TRDN: variants seen among roughly 807,000 people sequenced by gnomAD.
TRDN encodes triadin in skeletal muscle.
Under a neutral mutation model 149.7 loss-of-function variants are expected in TRDN, and 161 were observed. The ratio of observed to expected loss-of-function variants is 1.08; its 90% confidence interval spans 0.95 to 1.23. The LOEUF is 1.23. Among genes scored for constraint, TRDN ranks in the 50% most tolerant of loss-of-function variants. The probability of loss-of-function intolerance (pLI) is 0.00; values close to 1 mark genes in which losing one functional copy is unlikely to be tolerated. For synonymous variants in TRDN, 294 were observed against 250.5 expected (o/e 1.17, Z -1.64); for missense variants, 896 against 823.5 (o/e 1.09, Z -1.08).
intron 10 of TRDN, among the ~76,000 whole-genome samples, chr6:123,454,209 A>G (rs1298692314): frequency 2.0e-5 from 3 of 152,068 alleles, no homozygotes; most frequent in Non-Finnish European, 2.9e-5. Context: ...GTGCACCAAA[A>G]TCTCACAAAT....
chr6:123,476,826 A>T (rs910493096), intron 9 of TRDN, among the ~76,000 whole-genome samples: 3 of 151,790 alleles, frequency 2.0e-5, no homozygotes, highest in African/African-American at 7.3e-5. Flanking sequence ...TCCCTATTTA[A>T]TAAATGGTGC....
chr6:123,476,422 A>G (rs917362744), intron 9 of TRDN, among the ~76,000 whole-genome samples: 3 of 108,412 alleles, frequency 2.8e-5, no homozygotes, highest in Non-Finnish European at 5.9e-5. Context: ...ATACAAACAA[A>G]TGGAAGAACA....
At position 123,479,376 on chromosome 6, in the gene TRDN, G is replaced by T. The variant is rs1191374557; in HGVS notation, c.854-14393C>A. On this transcript the variant is annotated intron_variant, in intron 9 of 40. Transcript: ENST00000334268. ...GAACTAAAGCTTCAAGATGAAGAAAGATAGCTTCATTATTTAAACAGCTCT... is the reference window on the plus strand; with the variant it reads ...GAACTAAAGCTTCAAGATGAAGAAATATAGCTTCATTATTTAAACAGCTCT... Among the ~76,000 whole-genome samples, 3 of 152,104 alleles carry T rather than the reference G, an allele frequency of 2.0e-5. 1 individual carries two copies. The highest frequency in any genetic ancestry group is 4.4e-5 in the Non-Finnish European group (3 of 68,004).
intron 8 of TRDN, chr6:123,503,266 G>T: frequency 1.0e-6 from 1 of 985,244 alleles, no homozygotes; most frequent in Non-Finnish European, 1.2e-6. Flanking sequence ...CAATGCAACA[G>T]TAATGTATGG....
chr6:123,388,588 G>T, intron 13 of TRDN, 37 bp from the exon 14 acceptor site: 1 of 1,567,870 alleles, frequency 6.4e-7, no homozygotes, highest in South Asian at 1.2e-5. Context: ...CATATGAAAT[G>T]ACCATTCCTC....
chr6:123,411,801 A>G (rs890193488), intron 12 of TRDN: 1 of 152,212 alleles, frequency 6.6e-6, no homozygotes, highest in Non-Finnish European at 1.5e-5. Flanking sequence ...CTTTTATGGA[A>G]AAAAACAAAA....
At chr6:123,483,243 C>T (rs943608661) in intron 9 of TRDN, among the ~76,000 whole-genome samples, 1 of 151,664 alleles carries the variant, frequency 6.6e-6, no homozygotes, top group Non-Finnish European at 1.5e-5. Flanking sequence ...GCTGGGACTA[C>T]AGGCGTGTGC....
chr6:123,430,704 T>C (rs1774304401), intron 12 of TRDN, among the ~76,000 whole-genome samples: 1 of 152,142 alleles, frequency 6.6e-6, no homozygotes, highest in African/African-American at 2.4e-5. Flanking sequence ...AGATTAAAAA[T>C]AGTCGCATGT....
rs186327751 is a variant in TRDN, at chr6:123,332,038, A to G, written c.1421-109T>C. On this transcript the variant is annotated intron_variant, in intron 22 of 40. Coordinates refer to ENST00000334268, the MANE Select transcript of TRDN (RefSeq NM_006073.4). ...TATCAGTAAGCTGAAAGTAAGTGGA[A>G]ACTTTATAATGCACTTTAAAAATGG... The G allele has an allele frequency of 5.2e-5, 40 of 765,924 alleles. 2 individuals are homozygous for G. The Admixed American group carries it at 1.1e-3, about 21-fold the overall frequency. 47.4% of individuals were successfully genotyped at this position (765,924 alleles called of 1,614,324 possible). A position where few individuals can be genotyped will look rare whatever the true frequency, so the allele number is the denominator to read the frequency against.
chr6:123,425,462 A>C (rs1250067656), intron 12 of TRDN, among the ~76,000 whole-genome samples: 1 of 152,020 alleles, frequency 6.6e-6, no homozygotes, highest in Non-Finnish European at 1.5e-5. Context: ...AATGGTTTTA[A>C]ATTTATGAAA....
chr6:123,407,982 G>T (rs1456275334), intron 12 of TRDN, among the ~76,000 whole-genome samples: 1 of 152,184 alleles, frequency 6.6e-6, no homozygotes, highest in Non-Finnish European at 1.5e-5. Flanking sequence ...CCTGGTCTGG[G>T]TTTAAATCTT....
intron 1 of TRDN, among the ~76,000 whole-genome samples, chr6:123,595,376 G>A (rs549529308): frequency 6.6e-5 from 10 of 152,208 alleles, no homozygotes; most frequent in African/African-American, 2.4e-4. Flanking sequence ...TCTAAAGCAA[G>A]CTCTTGGTAA....
chr6:123,418,024 C>A (rs937856021), intron 12 of TRDN, among the ~76,000 whole-genome samples: 1 of 152,122 alleles, frequency 6.6e-6, no homozygotes, highest in African/African-American at 2.4e-5. Flanking sequence ...ATTTGGCTCT[C>A]ACAATTAAAA....
At chr6:123,405,638 G>GGTTACC (rs1390752054) in intron 12 of TRDN, among the ~76,000 whole-genome samples, 1 of 152,100 alleles carries the variant, frequency 6.6e-6, no homozygotes, top group Non-Finnish European at 1.5e-5. Context: ...GTGCAGTAGA[G>GGTTACC]GTTACCGTGA....
At position 123,276,730 on chromosome 6, in the gene TRDN, G is replaced by A. The variant is rs75987385; in HGVS notation, c.1567+1588C>T. Among the ~76,000 whole-genome samples, 486 of 152,200 alleles carry A rather than the reference G, an allele frequency of 3.2e-3. 19 individuals are homozygous for A. In the East Asian group the frequency reaches 0.08, roughly 25 times the overall value. ...GACCCTCTTATCTAATGGCTTAGAC[G>A]CCCCATGAATTGAATGTGACACTAG... On this transcript the variant is annotated intron_variant, in intron 26 of 40. Transcript: ENST00000334268.
At chr6:123,309,371 T>C (rs919210886) in intron 24 of TRDN, among the ~76,000 whole-genome samples, 1 of 151,960 alleles carries the variant, frequency 6.6e-6, no homozygotes, top group Admixed American at 6.6e-5. Context: ...CTCCTAAATA[T>C]AGCTACCATA....
chr6:123,365,768 G>A (rs1396225318), intron 20 of TRDN, among the ~76,000 whole-genome samples: 1 of 152,164 alleles, frequency 6.6e-6, no homozygotes, highest in Non-Finnish European at 1.5e-5. Flanking sequence ...TCTTGTTCAT[G>A]TGAGTACTTT....
At chr6:123,322,928 C>T (rs1035848905) in intron 23 of TRDN, among the ~76,000 whole-genome samples, 2 of 152,048 alleles carry the variant, frequency 1.3e-5, no homozygotes, top group African/African-American at 4.8e-5. Flanking sequence ...CATAAGCCAC[C>T]GCGCTTGGCC....
At chr6:123,313,176 G>T (rs1465959075) in intron 24 of TRDN, among the ~76,000 whole-genome samples, 2 of 151,918 alleles carry the variant, frequency 1.3e-5, no homozygotes, top group Non-Finnish European at 2.9e-5. Flanking sequence ...TTGTCTGTCA[G>T]CTCCTACAAT....
Sources: allele counts gnomAD v4.1 joint callset (sites outside exome capture counted in the v4.1 genomes callset), GRCh38; gene constraint gnomAD v4.1.1; transcripts MANE v1.5; gene names NCBI Gene and HGNC (gene_info 2026-07-23, HGNC 2026-07-21).